QKI: variants seen among roughly 807,000 people sequenced by gnomAD.
The protein encoded by QKI is QKI, KH domain containing RNA binding, also known as KH domain-containing RNA-binding protein QKI.
Under a neutral mutation model 39.0 loss-of-function variants are expected in QKI, and 10 were observed. The ratio of observed to expected loss-of-function variants is 0.26; its 90% CI spans 0.16 to 0.43. The LOEUF is 0.43. Among genes scored for constraint, QKI ranks in the 20% least tolerant of loss-of-function variants. The pLI is 1.00. For missense variants in QKI, 218 were observed against 428.0 expected, an observed-to-expected ratio of 0.51 and a Z score of 4.33; for synonymous variants, 204 against 155.4, an observed-to-expected ratio of 1.31 and a Z score of -2.33.
In QKI at chr6:163,431,573, T is replaced by C. The variant is rs200636970; in HGVS notation, c.142+16238T>C. On this transcript the variant is annotated intron_variant, in intron 1 of 7. Transcript: ENST00000361752. ...TAAATTTTGGAAAGAAAAATACTTA[T>C]CTTTGTTAGGTCATTTAAACAAACA... Among the ~76,000 whole-genome samples the C allele has an allele frequency of 3.5e-4, 53 of 152,252 alleles. No homozygotes were observed. In the East Asian group the frequency reaches 7.7e-3, roughly 22 times the overall value.
At chr6:163,511,469 A>G (rs1433847380) in intron 3 of QKI, among the ~76,000 whole-genome samples, 6 of 152,082 alleles carry the variant, frequency 3.9e-5, no homozygotes, top group African/African-American at 9.7e-5. Flanking sequence ...CTAATCCAGA[A>G]TAAGAGAGAA....
At position 163,575,174 on chromosome 6, in the gene QKI, C is replaced by T. The variant is rs187536309; in HGVS notation, c.*4464C>T. ...GTTCATGTAGTAGTCTGTGAAAATT[C>T]GAAGCTGTCTGTCAAGCTGCTAATA... On this transcript the variant is annotated 3_prime_UTR_variant, in exon 8 of 8. Transcript: ENST00000361752. 2.0e-5 allele frequency: 3 copies of T among 152,236 alleles called. No homozygotes were observed. The highest frequency in any genetic ancestry group is 6.5e-5 in the Admixed American group (1 of 15,294). 9.4% of individuals were successfully genotyped at this position (152,236 alleles called of 1,614,324 possible).
intron 3 of QKI, among the ~76,000 whole-genome samples, chr6:163,527,240 G>T (rs1244108699): frequency 6.6e-6 from 1 of 152,164 alleles, no homozygotes; most frequent in East Asian, 1.9e-4. Context: ...AACTGAGTCA[G>T]TGAGGAATTA....
At chr6:163,474,352 A>G (rs1198444548) in intron 2 of QKI, among the ~76,000 whole-genome samples, 2 of 152,144 alleles carry the variant, frequency 1.3e-5, no homozygotes, top group Admixed American at 1.3e-4. Context: ...ATAAAAATAT[A>G]TGATAGGAAA....
At chr6:163,474,116 TAA>T (rs1398082239) in intron 2 of QKI, among the ~76,000 whole-genome samples, 4 of 152,212 alleles carry the variant, frequency 2.6e-5, no homozygotes, top group African/African-American at 9.7e-5. Context: ...TGAAAAATGA[TAA>T]ATTTAGATAT....
chr6:163,514,201 C>T (rs1779655812), intron 3 of QKI, among the ~76,000 whole-genome samples: 2 of 152,040 alleles, frequency 1.3e-5, no homozygotes, highest in African/African-American at 4.8e-5. Context: ...ATTAATGAGA[C>T]ACATCGGGTT....
chr6:163,474,302 G>T (rs889228123), intron 2 of QKI, among the ~76,000 whole-genome samples: 1 of 151,866 alleles, frequency 6.6e-6, no homozygotes, highest in African/African-American at 2.4e-5. Context: ...TTGAACTCAA[G>T]GTATGCTGAC....
chr6:163,475,377 A>G (rs935218138), intron 2 of QKI, among the ~76,000 whole-genome samples: 2 of 152,230 alleles, frequency 1.3e-5, no homozygotes, highest in Non-Finnish European at 2.9e-5. Context: ...GCAGCATAAC[A>G]GTGATTTACA....
intron 1 of QKI, among the ~76,000 whole-genome samples, chr6:163,417,655 A>C (rs1787633105): frequency 6.6e-6 from 1 of 152,188 alleles, no homozygotes; most frequent in Non-Finnish European, 1.5e-5. Context: ...TGCGTTTTAA[A>C]TGTAAGAGAC....
In QKI at chr6:163,423,207, G is replaced by GA. The variant is rs550718149; in HGVS notation, c.142+7874dup. On this transcript the variant is annotated intron_variant, in intron 1 of 7. Coordinates refer to ENST00000361752, the MANE Select transcript of QKI (RefSeq NM_006775.3). ...GGAGGCTGAAGCAGAAGAATCGCTTGAACCTGGTAGGCGGCGGTTGCAGGG... is the reference window on the plus strand; with the variant it reads ...GGAGGCTGAAGCAGAAGAATCGCTTGAAACCTGGTAGGCGGCGGTTGCAGGG... The GA allele has an allele frequency of 1.2e-3, 188 of 152,432 alleles. 1 individual carries two copies. Among genetic ancestry groups the GA allele is most frequent in the Non-Finnish European group, 2.3e-3 (157 of 68,118 alleles). The allele number at this position is 152,432 out of a possible 1,614,324, so 9.4% of individuals were successfully genotyped here.
chr6:163,531,590 A>C (rs1780854184), intron 3 of QKI, among the ~76,000 whole-genome samples: 1 of 152,214 alleles, frequency 6.6e-6, no homozygotes, highest in African/African-American at 2.4e-5. Flanking sequence ...GTAAATTTTA[A>C]GTTAACCATC....
intron 3 of QKI, among the ~76,000 whole-genome samples, chr6:163,518,281 T>G (rs773712717): frequency 9.2e-5 from 14 of 152,146 alleles, no homozygotes; most frequent in Non-Finnish European, 1.5e-4. Flanking sequence ...AAATTTTTCC[T>G]TTGTGGTAGG....
chr6:163,550,989 T>A (rs1782202730), intron 4 of QKI, among the ~76,000 whole-genome samples: 2 of 150,172 alleles, frequency 1.3e-5, no homozygotes, highest in African/African-American at 4.9e-5. Flanking sequence ...GACAGGGGCA[T>A]CGATCAAATT....
chr6:163,522,326 G>A (rs1043539447), intron 3 of QKI, among the ~76,000 whole-genome samples: 30 of 152,190 alleles, frequency 2.0e-4, no homozygotes, highest in African/African-American at 7.2e-4. Flanking sequence ...CACTCACAGG[G>A]TGTAGTAGAA....
At chr6:163,495,281 G>A (rs1417028407) in intron 3 of QKI, among the ~76,000 whole-genome samples, 1 of 152,160 alleles carries the variant, frequency 6.6e-6, no homozygotes, top group Non-Finnish European at 1.5e-5. Context: ...TGATGAAAAT[G>A]TGACCAGAGG....
At chr6:163,546,860 C>G (rs1213873896) in intron 4 of QKI, among the ~76,000 whole-genome samples, 2 of 151,444 alleles carry the variant, frequency 1.3e-5, no homozygotes, top group Non-Finnish European at 2.9e-5. Context: ...GGAATTAACT[C>G]TGAAACCATA....
intron 2 of QKI, among the ~76,000 whole-genome samples, chr6:163,477,116 A>G (rs1276415950): frequency 6.6e-6 from 1 of 151,150 alleles, no homozygotes; most frequent in Admixed American, 6.6e-5. Flanking sequence ...CCTGGGTTCA[A>G]CTGATTCTCA....
Position 163,576,576 on chromosome 6 carries a change from G to GTATATATATATATATA in QKI, c.*5867_*5882dup, listed in dbSNP as rs10650747. ...TTTAAAATTTTACTGTGGAAATTGT[G>GTATATATATATATATA]TATATATATATATATAGTCGAAATA... On this transcript the variant is annotated 3_prime_UTR_variant, in exon 8 of 8. Coordinates refer to ENST00000361752, the MANE Select transcript of QKI (RefSeq NM_006775.3). 16 of 149,604 alleles carry GTATATATATATATATA rather than the reference G, an allele frequency of 1.1e-4. No homozygotes were observed. Among genetic ancestry groups the GTATATATATATATATA allele is most frequent in the African/African-American group, 3.7e-4 (15 of 40,824 alleles). 9.3% of individuals were successfully genotyped at this position (149,604 alleles called of 1,614,324 possible). A position where few individuals can be genotyped will look rare whatever the true frequency, so the allele number is the denominator to read the frequency against.
intron 7 of QKI, chr6:163,568,498 T>C (rs1199148915): frequency 1.0e-6 from 1 of 985,450 alleles, no homozygotes; most frequent in Non-Finnish European, 1.2e-6. Context: ...ACCGAAATGC[T>C]CATTTCTTTT....
Sources: gnomAD v4.1 joint callset for allele counts (sites outside exome capture counted in the v4.1 genomes callset) on GRCh38, gnomAD v4.1.1 for gene constraint, MANE v1.5 for transcripts, NCBI Gene and HGNC (gene_info 2026-07-23, HGNC 2026-07-21) for gene names.